The following NUFIP1 variants were observed in gnomAD, a reference collection of about 807,000 sequenced individuals.
NUFIP1 encodes nuclear FMR1 interacting protein 1, also known as FMR1-interacting protein NUFIP1.
In NUFIP1, 38 loss-of-function variants were observed where a neutral mutation model predicts 56.2. The observed-to-expected ratio is 0.68, with a 90% confidence interval of 0.52 to 0.89. NUFIP1 has a LOEUF of 0.89. NUFIP1 is among the 40% of genes least tolerant of loss of function. The probability of loss-of-function intolerance (pLI) is 0.00; values close to 1 mark genes in which losing one functional copy is unlikely to be tolerated. For synonymous variants in NUFIP1, 215 were observed against 212.4 expected (o/e 1.01, Z -0.10); for missense variants, 567 against 605.8 (o/e 0.94, Z 0.67).
chr13:44,968,238 C>A (rs1871678530), intron 5 of NUFIP1, among the ~76,000 whole-genome samples: 1 of 151,954 alleles, frequency 6.6e-6, no homozygotes, highest in Non-Finnish European at 1.5e-5. Context: ...TGACAGTCAG[C>A]AATACATGAC....
chr13:44,959,112 C>T (rs1871335263), intron 7 of NUFIP1, among the ~76,000 whole-genome samples: 1 of 152,182 alleles, frequency 6.6e-6, no homozygotes, highest in Non-Finnish European at 1.5e-5. Context: ...TAAGAAATTT[C>T]TAAGATTACC....
chr13:44,960,133 T>G (rs184112333), intron 6 of NUFIP1, among the ~76,000 whole-genome samples: 1 of 152,130 alleles, frequency 6.6e-6, no homozygotes, highest in East Asian at 1.9e-4. Context: ...GGTTTCACCA[T>G]GTTGGCCAGG....
intron 1 of NUFIP1, among the ~76,000 whole-genome samples, chr13:44,983,804 A>G (rs1035402856): frequency 1.3e-5 from 2 of 152,154 alleles, no homozygotes; most frequent in African/African-American, 4.8e-5. Context: ...CTCAAAAAGC[A>G]ACAATAATAA....
chr13:44,955,230 T>C (rs190187761), intron 7 of NUFIP1, among the ~76,000 whole-genome samples: 2 of 152,252 alleles, frequency 1.3e-5, no homozygotes, highest in African/African-American at 2.4e-5. Flanking sequence ...AGTAAGGAAA[T>C]CTAATGACAG....
chr13:44,951,478 C>T (rs1269360155), intron 7 of NUFIP1, among the ~76,000 whole-genome samples: 1 of 152,168 alleles, frequency 6.6e-6, no homozygotes, highest in Non-Finnish European at 1.5e-5. Flanking sequence ...CAAATTGTTA[C>T]CAGTGAGCTA....
intron 7 of NUFIP1, among the ~76,000 whole-genome samples, chr13:44,954,827 G>C (rs1367152833): frequency 1.3e-5 from 2 of 152,174 alleles, no homozygotes; most frequent in African/African-American, 4.8e-5. Flanking sequence ...GATGTGCTGG[G>C]CCAGTTTATT....
intron 7 of NUFIP1, among the ~76,000 whole-genome samples, chr13:44,955,608 C>T (rs999970593): frequency 3.3e-5 from 5 of 152,152 alleles, no homozygotes; most frequent in African/African-American, 7.2e-5. Context: ...CAGTGCTGGC[C>T]GCTGGCCTGC....
chr13:44,988,980 G>A (rs1331959666), intron 1 of NUFIP1, 45 bp downstream of exon 1: 1 of 1,595,672 alleles, frequency 6.3e-7, no homozygotes, highest in South Asian at 1.1e-5. Context: ...GGAAAGAACG[G>A]GGGAAAAAGG....
chr13:44,971,275 C>T (rs191248551), intron 5 of NUFIP1, among the ~76,000 whole-genome samples: 53 of 152,266 alleles, frequency 3.5e-4, no homozygotes, highest in African/African-American at 1.3e-3. Flanking sequence ...ACCCCATTTC[C>T]TCATTCTCTT....
At chr13:44,954,324 C>T (rs1437350183) in intron 7 of NUFIP1, among the ~76,000 whole-genome samples, 2 of 152,166 alleles carry the variant, frequency 1.3e-5, no homozygotes, top group Non-Finnish European at 2.9e-5. Flanking sequence ...CTCTCGTATA[C>T]ACACATCATG....
chr13:44,976,011 A>G (rs980030449), intron 5 of NUFIP1, among the ~76,000 whole-genome samples: 1 of 152,216 alleles, frequency 6.6e-6, no homozygotes, highest in Non-Finnish European at 1.5e-5. Flanking sequence ...TTTACAATCA[A>G]TGCTGACTAG....
chr13:44,940,246 T>C lies in NUFIP1; in HGVS notation c.*960A>G, dbSNP rs536533034. Reference sequence around the variant, plus strand: ...CTGGAAAACACTGGCTAAACATGAATCTTCATCTCAGGTCTGTGACGTCAC... The same window carrying C: ...CTGGAAAACACTGGCTAAACATGAACCTTCATCTCAGGTCTGTGACGTCAC... On this transcript the variant is annotated 3_prime_UTR_variant, in exon 10 of 10. Transcript: ENST00000379161. 8.5e-5 allele frequency: 13 copies of C among 152,216 alleles called. 1 individual carries two copies. The South Asian group carries it at 2.7e-3, about 32-fold the overall frequency. The allele number at this position is 152,216 out of a possible 1,614,324, so 9.4% of individuals were successfully genotyped here.
chr13:44,974,703 C>G (rs562366205), intron 5 of NUFIP1, among the ~76,000 whole-genome samples: 1 of 152,272 alleles, frequency 6.6e-6, no homozygotes, highest in South Asian at 2.1e-4. Context: ...AAGTGCCCAC[C>G]GCTGCACCTG....
At chr13:44,971,560 A>G (rs1871804483) in intron 5 of NUFIP1, among the ~76,000 whole-genome samples, 1 of 152,170 alleles carries the variant, frequency 6.6e-6, no homozygotes, top group Non-Finnish European at 1.5e-5. Flanking sequence ...CAAGAACTAA[A>G]GCAAACACTG....
intron 9 of NUFIP1, among the ~76,000 whole-genome samples, chr13:44,942,972 A>AC (rs1870794058): frequency 6.6e-6 from 1 of 151,608 alleles, no homozygotes; most frequent in East Asian, 1.9e-4. Context: ...ACTCTTAAAA[A>AC]AAAAAAAAAA....
intron 6 of NUFIP1, among the ~76,000 whole-genome samples, chr13:44,964,025 G>T (rs1871511433): frequency 6.6e-6 from 1 of 152,018 alleles, no homozygotes; most frequent in Admixed American, 6.6e-5. Flanking sequence ...AATTAGTGCT[G>T]GATCAACTGT....
chr13:44,963,141 T>C (rs936779233), intron 6 of NUFIP1, among the ~76,000 whole-genome samples: 1 of 152,136 alleles, frequency 6.6e-6, no homozygotes, highest in African/African-American at 2.4e-5. Context: ...TAATTGGATT[T>C]GGGGGAGAAT....
intron 5 of NUFIP1, among the ~76,000 whole-genome samples, chr13:44,968,592 A>G (rs901876240): frequency 6.6e-6 from 1 of 152,246 alleles, no homozygotes; most frequent in Non-Finnish European, 1.5e-5. Context: ...TGAAGAGAAT[A>G]TGCAGAAGTA....
At position 44,978,960 on chromosome 13, in the gene NUFIP1, G is replaced by A. The variant is rs151254817; in HGVS notation, c.734+230C>T. 4.6e-5 allele frequency among the ~76,000 whole-genome samples: 7 copies of A among 152,226 alleles called. No individual in the cohort carries two copies. The East Asian group carries it at 1.4e-3, about 29-fold the overall frequency. ...CTGAACATCTGACAGGTGACATGCA[G>A]TAGCCCCCCTCAAAGAGCAACATAC... On this transcript the variant is annotated intron_variant, in intron 5 of 9. Coordinates refer to ENST00000379161, the MANE Select transcript of NUFIP1 (RefSeq NM_012345.3).
Sources: gnomAD v4.1 joint callset for allele counts (sites outside exome capture counted in the v4.1 genomes callset) on GRCh38, gnomAD v4.1.1 for gene constraint, MANE v1.5 for transcripts, NCBI Gene and HGNC (gene_info 2026-07-23, HGNC 2026-07-21) for gene names.